Variants in MPC1 observed in about 807,000 individuals in gnomAD.
The protein encoded by MPC1 is mitochondrial pyruvate carrier 1, also known as HSPC040 protein.
MPC1 carries 6 observed loss-of-function variants against 13.9 expected under a neutral mutation model. That is an observed-to-expected ratio of 0.43 (90% CI 0.24 to 0.85). The LOEUF (loss-of-function observed/expected upper bound fraction) is 0.85. Ranked by LOEUF, MPC1 falls within the 40% of genes least tolerant of loss-of-function variation. The pLI is 0.24. For missense variants in MPC1, 115 were observed against 143.3 expected (o/e 0.80, Z 1.01); for synonymous variants, 47 against 50.5 (o/e 0.93, Z 0.29).
rs1362652311 is a variant in MPC1 at position 166,365,803 on chromosome 6, G to A, written c.305+171C>T. 6.6e-6 allele frequency among the ~76,000 whole-genome samples: 1 copy of A among 152,182 alleles called. No homozygotes were observed. The highest frequency in any genetic ancestry group is 1.5e-5 in the Non-Finnish European group (1 of 68,032). ...TTTTTGGATTTGGGATGCTCAGCCT[G>A]TATCCTAGTTCATGTTAACTTTCAT... On this transcript the variant is annotated intron_variant, in intron 4 of 4. Coordinates refer to ENST00000360961, the MANE Select transcript of MPC1 (RefSeq NM_016098.4). This position sits in a 1 kb window ranked among gnomAD's most constrained non-coding sequence, Gnocchi z 4.2.
At chr6:166,382,448 C>T (rs1337183768) in intron 1 of MPC1, among the ~76,000 whole-genome samples, 2 of 150,410 alleles carry the variant, frequency 1.3e-5, no homozygotes, top group African/African-American at 4.9e-5. Flanking sequence ...GGGGCGCCCA[C>T]TGTCACCCTG....
rs970648823 is a variant in MPC1 at position 166,367,076 on chromosome 6, C to T, written c.76-185G>A. On this transcript the variant is annotated intron_variant, in intron 2 of 4. Transcript: ENST00000360961. ...TAGGTATTGGATTGTCCAAGTGTTC[C>T]TGTAGGAATCAGCAGTTCTTACAGC... 2.1e-6 allele frequency: 3 copies of T among 1,455,934 alleles called. No individual in the cohort carries two copies. In the African/African-American group the frequency reaches 4.2e-5, roughly 20 times the overall value. The allele number at this position is 1,455,934 out of a possible 1,614,324, so 90.2% of individuals were successfully genotyped here.
At chr6:166,380,939 CAAAAAA>C (rs1175434820) in intron 1 of MPC1, among the ~76,000 whole-genome samples, 9 of 47,728 alleles carry the variant, frequency 1.9e-4, no homozygotes, top group African/African-American at 5.3e-4. Context: ...AACTCTGTCT[CAAAAAA>C]AAAAAAAAAA....
At chr6:166,378,367 A>G (rs1779642967) in intron 1 of MPC1, among the ~76,000 whole-genome samples, 1 of 152,138 alleles carries the variant, frequency 6.6e-6, no homozygotes, top group Admixed American at 6.5e-5. Flanking sequence ...AAAGCACTCT[A>G]TGATCTAGGT....
At chr6:166,366,593 A>G (rs370596908) in intron 3 of MPC1, among the ~76,000 whole-genome samples, 2 of 152,270 alleles carry the variant, frequency 1.3e-5, no homozygotes, top group African/African-American at 4.8e-5. Context: ...AAAGGCAAAT[A>G]AGATGTTACT....
In MPC1 at chr6:166,365,511, A is replaced by G; in HGVS notation, c.306-58T>C. 1.1e-5 allele frequency: 16 copies of G among 1,437,934 alleles called. No homozygotes were observed. Among genetic ancestry groups the G allele is most frequent in the Non-Finnish European group, 1.4e-5 (15 of 1,061,940 alleles). 89.1% of individuals were successfully genotyped at this position (1,437,934 alleles called of 1,614,324 possible). A position where few individuals can be genotyped will look rare whatever the true frequency, so the allele number is the denominator to read the frequency against. ...AAACAAAATTTCAATGCCAATCGCA[A>G]GGGCTTTGGATGGCTTTTAAAAGAC... On this transcript the variant is annotated intron_variant, in intron 4 of 4. Transcript: ENST00000360961. The surrounding 1 kb of genome is among the most constrained non-coding windows in gnomAD (Gnocchi z 4.2).
intron 1 of MPC1, among the ~76,000 whole-genome samples, chr6:166,375,133 C>G (rs114965118): frequency 1.7e-3 from 258 of 152,272 alleles, no homozygotes; most frequent in African/African-American, 6.0e-3. Flanking sequence ...CACTGCAATA[C>G]CACAACAATG....
chr6:166,376,178 G>GTA lies in MPC1; in HGVS notation c.72-5959_72-5958dup, dbSNP rs911863065. Among the ~76,000 whole-genome samples the GTA allele has an allele frequency of 4.5e-3, 641 of 140,964 alleles. 6 individuals are homozygous for GTA. Among genetic ancestry groups the GTA allele is most frequent in the African/African-American group, 0.015 (581 of 39,534 alleles). 92.5% of individuals were successfully genotyped at this position (140,964 alleles called of 152,430 possible). A position where few individuals can be genotyped will look rare whatever the true frequency, so the allele number is the denominator to read the frequency against. Reference sequence around the variant, plus strand: ...TACGTGTGTGTGTGTGTGTGTGTGTGTATATATATATAATTTTTAATGGAA... The same window carrying GTA: ...TACGTGTGTGTGTGTGTGTGTGTGTGTATATATATATATAATTTTTAATGGAA... On this transcript the variant is annotated intron_variant, in intron 1 of 4. Transcript: ENST00000360961.
chr6:166,366,964 CTTACT>C (rs779380917), intron 2 of MPC1, 73 bp from the exon 3 acceptor site: 1 of 1,608,212 alleles, frequency 6.2e-7, no homozygotes, highest in Non-Finnish European at 8.5e-7. Flanking sequence ...TGAAATTTCC[CTTACT>C]TTAAATAATC....
At chr6:166,370,648 A>G (rs6928141) in intron 1 of MPC1, among the ~76,000 whole-genome samples, 139,973 of 152,272 alleles carry the variant, frequency 0.92, 64,514 homozygotes, top group East Asian at 1. Flanking sequence ...GAGGCCAGGA[A>G]TTCACTATTA....
At chr6:166,375,697 C>T (rs1779543654) in intron 1 of MPC1, among the ~76,000 whole-genome samples, 2 of 152,272 alleles carry the variant, frequency 1.3e-5, no homozygotes, top group South Asian at 2.1e-4. Context: ...CTCCAAGTAT[C>T]GGGGATTTTC....
At chr6:166,368,014 A>T (rs1026363368) in intron 2 of MPC1, among the ~76,000 whole-genome samples, 1 of 152,252 alleles carries the variant, frequency 6.6e-6, no homozygotes, top group Admixed American at 6.5e-5. Flanking sequence ...CAAAAGGTCA[A>T]AGTTCCCACA....
intron 2 of MPC1, chr6:166,368,805 C>T (rs1779268356): frequency 1.0e-6 from 1 of 985,392 alleles, no homozygotes; most frequent in African/African-American, 1.7e-5. Flanking sequence ...AGTGATCTTC[C>T]TTTTCCTCCT....
rs145348593 is a variant in MPC1, at chr6:166,377,693, T to G, written c.71+5113A>C. 3.5e-3 allele frequency among the ~76,000 whole-genome samples: 538 copies of G among 152,312 alleles called. 6 individuals are homozygous for G. The highest frequency in any genetic ancestry group is 0.012 in the African/African-American group (513 of 41,570). On this transcript the variant is annotated intron_variant, in intron 1 of 4. Transcript: ENST00000360961. ...TTTTGTCTAGTTTTCTAGTTCAAAT[T>G]AAAATGAGGGAGGGTTTTGACAATT... is the stretch of plus-strand genomic sequence containing the variant.
At chr6:166,380,074 G>A (rs558318459) in intron 1 of MPC1, among the ~76,000 whole-genome samples, 6 of 152,186 alleles carry the variant, frequency 3.9e-5, no homozygotes, top group Non-Finnish European at 7.3e-5. Context: ...TTCACATCAC[G>A]TGTTCACCTT....
chr6:166,382,822 G>A lies in MPC1; in HGVS notation c.55C>T (p.Arg19Trp). 2 of 1,596,834 alleles carry A rather than the reference G, an allele frequency of 1.3e-6. No individual in the cohort carries two copies. The highest frequency in any genetic ancestry group is 1.7e-6 in the Non-Finnish European group (2 of 1,173,324). The stretch of plus-strand genomic sequence containing the variant: ...GCTCGTCACCTCATGAGGTAGTCCC[G>A]GAAATCCTTGCTTCGGACATAGTCC... ...AADYVRSKDF[R>W]DYLMSTHFWG... Residue 19 changes from arginine (R) to tryptophan (W), a missense_variant, in exon 1 of 5, where the codon CGG (arginine) becomes TGG (tryptophan). By Grantham distance (101) the Arg-to-Trp change is moderately radical. Coordinates refer to ENST00000360961, the MANE Select transcript of MPC1 (RefSeq NM_016098.4).
At chr6:166,382,056 G>A (rs1474347638) in intron 1 of MPC1, among the ~76,000 whole-genome samples, 1 of 152,220 alleles carries the variant, frequency 6.6e-6, no homozygotes, top group Non-Finnish European at 1.5e-5. Flanking sequence ...GGCCGCAGGT[G>A]ACCGGCGACC....
intron 1 of MPC1, among the ~76,000 whole-genome samples, chr6:166,374,891 T>C (rs1779514043): frequency 6.6e-6 from 1 of 152,214 alleles, no homozygotes; most frequent in Non-Finnish European, 1.5e-5. Context: ...TCCAACTTTG[T>C]TCTCCTCCTC....
At chr6:166,380,818 A>T (rs1028533746) in intron 1 of MPC1, among the ~76,000 whole-genome samples, 2 of 151,160 alleles carry the variant, frequency 1.3e-5, no homozygotes, top group African/African-American at 4.8e-5. Context: ...GCATGCTTGT[A>T]ATCCCAGCTA....
Sources: gnomAD v4.1 joint callset for allele counts (sites outside exome capture counted in the v4.1 genomes callset) on GRCh38, gnomAD v4.1.1 for gene constraint, Gnocchi (gnomAD v3.1) non-coding constraint, MANE v1.5 for transcripts, NCBI Gene and HGNC (gene_info 2026-07-23, HGNC 2026-07-21) for gene names.